The following PRKN variants were observed in gnomAD, a reference collection of about 807,000 sequenced individuals.
PRKN encodes parkin RBR E3 ubiquitin protein ligase.
Under a neutral mutation model 59.5 loss-of-function variants are expected in PRKN, and 56 were observed. The ratio of observed to expected loss-of-function variants is 0.94; its 90% CI spans 0.76 to 1.18. The LOEUF (loss-of-function observed/expected upper bound fraction) is 1.18, where lower values mean the gene tolerates loss of function less well. PRKN is among the 50% of genes most tolerant of loss of function. The pLI is 0.00. For synonymous variants in PRKN, 250 were observed against 222.1 expected (o/e 1.13, Z -1.12); for missense variants, 657 against 596.4 (o/e 1.10, Z -1.06).
chr6:162,511,442 C>CAAA (rs11378794), intron 1 of PRKN, among the ~76,000 whole-genome samples: 7 of 150,694 alleles, frequency 4.6e-5, no homozygotes, highest in African/African-American at 1.7e-4. Context: ...GTACAGAATA[C>CAAA]AAAAAAAAAT....
chr6:162,210,891 G>A (rs1421032628), intron 3 of PRKN, among the ~76,000 whole-genome samples: 2 of 152,028 alleles, frequency 1.3e-5, no homozygotes, highest in Non-Finnish European at 2.9e-5. Context: ...GGTACTAAAG[G>A]GGATTCAATA....
Position 161,444,162 on chromosome 6 carries a change from C to G in PRKN, c.1084-57285G>C, listed in dbSNP as rs1489202202. Among the ~76,000 whole-genome samples the G allele has an allele frequency of 1.3e-5, 2 of 152,198 alleles. No homozygotes were observed. Among genetic ancestry groups the G allele is most frequent in the East Asian group, 3.9e-4 (2 of 5,186 alleles). Reference sequence around the variant, plus strand: ...GGCCAGGCCCAGCGGGTGGGAGCTGCAGATACCACTTCTCCAGGACCCATC... The same window carrying G: ...GGCCAGGCCCAGCGGGTGGGAGCTGGAGATACCACTTCTCCAGGACCCATC... On this transcript the variant is annotated intron_variant, in intron 9 of 11. Transcript: ENST00000366898. The surrounding 1 kb of genome is among the most constrained non-coding windows in gnomAD (Gnocchi z 5.6).
At chr6:161,690,295 T>C (rs1226350074) in intron 7 of PRKN, among the ~76,000 whole-genome samples, 1 of 152,130 alleles carries the variant, frequency 6.6e-6, no homozygotes, top group Non-Finnish European at 1.5e-5. Flanking sequence ...CTCTGGCCAT[T>C]GAGAGTTTGG....
chr6:161,985,375 GGTT>G (rs1781398463), intron 5 of PRKN, among the ~76,000 whole-genome samples: 2 of 152,090 alleles, frequency 1.3e-5, no homozygotes, highest in East Asian at 3.9e-4. Context: ...TAAAATATCT[GGTT>G]GTTAACATGG....
intron 2 of PRKN, among the ~76,000 whole-genome samples, chr6:162,291,159 T>TTG (rs1781412780): frequency 6.6e-6 from 1 of 152,084 alleles, no homozygotes; most frequent in African/African-American, 2.4e-5. Flanking sequence ...TGTGGAGGGT[T>TTG]ATCATCATAA....
intron 7 of PRKN, among the ~76,000 whole-genome samples, chr6:161,604,185 C>A (rs898124654): frequency 5.6e-5 from 8 of 141,688 alleles, no homozygotes; most frequent in Non-Finnish European, 1.0e-4. Flanking sequence ...ATATAGAGAT[C>A]AATGCTTTTC....
At chr6:162,036,778 C>A (rs1032815530) in intron 5 of PRKN, among the ~76,000 whole-genome samples, 13 of 152,066 alleles carry the variant, frequency 8.5e-5, no homozygotes, top group Non-Finnish European at 1.9e-4. Flanking sequence ...TGGTTTCATA[C>A]AAGAATATAT....
At chr6:162,705,441 T>C (rs1436362911) in intron 1 of PRKN, among the ~76,000 whole-genome samples, 1 of 152,162 alleles carries the variant, frequency 6.6e-6, no homozygotes, top group African/African-American at 2.4e-5. Flanking sequence ...GTAGAGCTTC[T>C]GTGAGAATAC....
intron 4 of PRKN, among the ~76,000 whole-genome samples, chr6:162,088,942 A>G (rs1307331451): frequency 2.0e-5 from 3 of 152,232 alleles, no homozygotes; most frequent in African/African-American, 7.2e-5. Flanking sequence ...TGCAAGGGAT[A>G]CAACTATAAC....
intron 7 of PRKN, among the ~76,000 whole-genome samples, chr6:161,779,435 C>CTTTCCTTTTTTTTTTTT (rs1234367519): frequency 9.9e-5 from 4 of 40,428 alleles, no homozygotes; most frequent in Non-Finnish European, 2.0e-4. Context: ...TTTTTCTTTT[C>CTTTCCTTTTTTTTTTTT]TTTTCTTTTT....
intron 5 of PRKN, among the ~76,000 whole-genome samples, chr6:161,989,205 T>C (rs1357555521): frequency 1.3e-5 from 2 of 152,228 alleles, no homozygotes; most frequent in African/African-American, 4.8e-5. Flanking sequence ...TATGTGAAGA[T>C]TATGATATCC....
intron 2 of PRKN, among the ~76,000 whole-genome samples, chr6:162,283,242 T>A (rs1781000913): frequency 6.6e-6 from 1 of 152,192 alleles, no homozygotes; most frequent in Admixed American, 6.5e-5. Context: ...AAGAAAAATA[T>A]ATTTGTGCTT....
At chr6:162,716,001 G>A (rs1458837313) in intron 1 of PRKN, among the ~76,000 whole-genome samples, 2 of 152,146 alleles carry the variant, frequency 1.3e-5, no homozygotes, top group Admixed American at 1.3e-4. Flanking sequence ...ATCTATTATT[G>A]TCAATGGTTA....
intron 2 of PRKN, among the ~76,000 whole-genome samples, chr6:162,313,756 G>A (rs1022282433): frequency 1.3e-5 from 2 of 152,026 alleles, no homozygotes; most frequent in Admixed American, 1.3e-4. Context: ...CAAAATGCTG[G>A]GATTACAGGC....
In PRKN at chr6:161,545,401, T is replaced by A. The variant is rs771777173; in HGVS notation, c.1083+3453A>T. 1 of 1,612,502 alleles carries A rather than the reference T, an allele frequency of 6.2e-7. No individual in the cohort carries two copies. The highest frequency in any genetic ancestry group is 1.7e-5 in the Admixed American group (1 of 60,000). On this transcript the variant is annotated intron_variant, in intron 9 of 11. Coordinates refer to ENST00000366898, the MANE Select transcript of PRKN (RefSeq NM_004562.3). This position sits in a 1 kb window ranked among gnomAD's most constrained non-coding sequence, Gnocchi z 4.1. ...ATGTATTGAATGAGGCACTCACTTCTCCCTGAGGCAGCTTATTTTGTTCTT... is the reference window on the plus strand; with the variant it reads ...ATGTATTGAATGAGGCACTCACTTCACCCTGAGGCAGCTTATTTTGTTCTT...
At chr6:161,563,194 C>T (rs145130097) in intron 8 of PRKN, among the ~76,000 whole-genome samples, 48 of 152,212 alleles carry the variant, frequency 3.2e-4, no homozygotes, top group African/African-American at 1.1e-3. Flanking sequence ...AAGTAGGTGA[C>T]ATCCCTATTT....
chr6:161,654,280 A>C (rs1184584809), intron 7 of PRKN, among the ~76,000 whole-genome samples: 2 of 152,200 alleles, frequency 1.3e-5, no homozygotes, highest in African/African-American at 4.8e-5. Flanking sequence ...CCTACCTGAA[A>C]ATGTATACAT....
At chr6:162,210,139 G>A (rs947588014) in intron 3 of PRKN, among the ~76,000 whole-genome samples, 4 of 31,568 alleles carry the variant, frequency 1.3e-4, no homozygotes, top group African/African-American at 3.5e-4. Flanking sequence ...AAATAAAGAG[G>A]CAGCACCTCT....
At chr6:161,964,418 G>C (rs74569114) in intron 6 of PRKN, among the ~76,000 whole-genome samples, 1 of 151,878 alleles carries the variant, frequency 6.6e-6, no homozygotes, top group African/African-American at 2.4e-5. Context: ...ATTAGATGAG[G>C]GTGTGTCACA....
Sources: gnomAD v4.1 joint callset for allele counts (sites outside exome capture counted in the v4.1 genomes callset) on GRCh38, gnomAD v4.1.1 for gene constraint, Gnocchi (gnomAD v3.1) non-coding constraint, MANE v1.5 for transcripts, NCBI Gene and HGNC (gene_info 2026-07-23, HGNC 2026-07-21) for gene names.